Variants in ZMYM2 observed in about 807,000 individuals in gnomAD.
The protein encoded by ZMYM2 is zinc finger MYM-type protein 2.
Under a neutral mutation model 162.8 loss-of-function variants are expected in ZMYM2, and 56 were observed. The observed-to-expected ratio is 0.34, with a 90% confidence interval of 0.28 to 0.43. The LOEUF (loss-of-function observed/expected upper bound fraction) is 0.43. ZMYM2 is among the 20% of genes least tolerant of loss of function. The probability of loss-of-function intolerance (pLI) is 1.00; values close to 1 mark genes in which losing one functional copy is unlikely to be tolerated. For synonymous variants in ZMYM2, 510 were observed against 541.6 expected (o/e 0.94, Z 0.81); for missense variants, 1,275 against 1,621.8 (o/e 0.79, Z 3.67).
intron 2 of ZMYM2, among the ~76,000 whole-genome samples, chr13:19,988,404 G>T (rs964767750): frequency 6.6e-6 from 1 of 152,122 alleles, no homozygotes; most frequent in African/African-American, 2.4e-5. Flanking sequence ...ATTGGCTTTG[G>T]TTTCTGATCT....
At chr13:19,918,801 A>C in the ZMYM2 span, among the ~76,000 whole-genome samples, 4 of 152,070 alleles carry the variant, frequency 2.6e-5, no homozygotes, top group Non-Finnish European at 4.4e-5. Flanking sequence ...ACCTGGCCAA[A>C]AACCTCTTAT....
the ZMYM2 span, among the ~76,000 whole-genome samples, chr13:19,884,079 G>C: frequency 7.2e-5 from 11 of 152,148 alleles, no homozygotes; most frequent in African/African-American, 2.7e-4. Flanking sequence ...TTCTTTAAAA[G>C]TTAAGTTTCT....
At chr13:20,048,443 T>G (rs1008229442) in intron 12 of ZMYM2, among the ~76,000 whole-genome samples, 1 of 151,992 alleles carries the variant, frequency 6.6e-6, no homozygotes, top group African/African-American at 2.4e-5. Context: ...AAAAAAAATT[T>G]GTAGCGAATC....
chr13:20,074,237 T>TGAGA (rs1555330328), intron 21 of ZMYM2, among the ~76,000 whole-genome samples: 207 of 127,552 alleles, frequency 1.6e-3, no homozygotes, highest in African/African-American at 4.7e-3. Flanking sequence ...TGTGTGTGTG[T>TGAGA]GAGAGAGACA....
intron 2 of ZMYM2, among the ~76,000 whole-genome samples, chr13:19,983,614 A>C (rs1957559178): frequency 6.6e-6 from 1 of 151,952 alleles, no homozygotes; most frequent in African/African-American, 2.4e-5. Context: ...CTATTTTATT[A>C]GGAATTTTTA....
chr13:19,920,016 C>A, the ZMYM2 span, among the ~76,000 whole-genome samples: 1 of 152,078 alleles, frequency 6.6e-6, no homozygotes, highest in Non-Finnish European at 1.5e-5. Flanking sequence ...GCTATGTTGT[C>A]CAGTCTGGTC....
intron 17 of ZMYM2, among the ~76,000 whole-genome samples, chr13:20,062,256 GA>G (rs1956287907): frequency 6.6e-6 from 1 of 152,192 alleles, no homozygotes; most frequent in South Asian, 2.1e-4. Context: ...TAAGAGAAAT[GA>G]CAGTGTGAAT....
the ZMYM2 span, among the ~76,000 whole-genome samples, chr13:19,917,163 T>C: frequency 6.9e-4 from 105 of 152,084 alleles, no homozygotes; most frequent in East Asian, 0.01. Flanking sequence ...AGGGTTTCAC[T>C]GTGTTAGCCA....
chr13:19,929,396 G>A, the ZMYM2 span, among the ~76,000 whole-genome samples: 3 of 151,866 alleles, frequency 2.0e-5, no homozygotes, highest in Non-Finnish European at 4.4e-5. Flanking sequence ...CTGCCGCCAC[G>A]CCAGGCTAAT....
intron 2 of ZMYM2, among the ~76,000 whole-genome samples, chr13:19,984,190 A>G (rs1475280393): frequency 6.6e-6 from 1 of 152,208 alleles, no homozygotes; most frequent in Non-Finnish European, 1.5e-5. Flanking sequence ...GCAAGCACTA[A>G]TATTTTCTTG....
chr13:19,940,743 G>A, the ZMYM2 span, among the ~76,000 whole-genome samples: 1 of 152,126 alleles, frequency 6.6e-6, no homozygotes, highest in Non-Finnish European at 1.5e-5. Flanking sequence ...TGCACTACGG[G>A]ATGAAAATGT....
chr13:19,997,503 A>G (rs541580993), intron 3 of ZMYM2, among the ~76,000 whole-genome samples: 8 of 152,114 alleles, frequency 5.3e-5, no homozygotes, highest in Non-Finnish European at 8.8e-5. Flanking sequence ...GTAGGTAGGT[A>G]GAAGTGTGTG....
At chr13:19,995,003 A>AC (rs539742151) in intron 3 of ZMYM2, among the ~76,000 whole-genome samples, 33 of 1,194 alleles carry the variant, frequency 0.028, no homozygotes, top group Non-Finnish European at 0.22. Context: ...TGGCTAAATT[A>AC]AAAAAAAAAA....
chr13:20,087,979 A>G lies in ZMYM2; in HGVS notation c.*1965A>G, dbSNP rs939186043. The G allele has an allele frequency of 1.5e-5, 3 of 195,668 alleles. No individual in the cohort carries two copies. The highest frequency in any genetic ancestry group is 3.2e-5 in the Non-Finnish European group (3 of 93,996). 12.1% of individuals were successfully genotyped at this position (195,668 alleles called of 1,614,324 possible). ...CAAAGTGGTGCTATATTCCATCAAG[A>G]GCAATAAAGTTTTTCCCAGGTGTCA... On this transcript the variant is annotated 3_prime_UTR_variant, in exon 25 of 25. Transcript: ENST00000610343.
chr13:20,046,562 A>AT (rs150664616), intron 12 of ZMYM2, among the ~76,000 whole-genome samples: 239 of 20,108 alleles, frequency 0.012, 3 homozygotes, highest in South Asian at 0.025. Context: ...TCTAAAAAAA[A>AT]AAATATATAT....
At chr13:19,910,914 G>A in the ZMYM2 span, among the ~76,000 whole-genome samples, 32 of 152,240 alleles carry the variant, frequency 2.1e-4, no homozygotes, top group African/African-American at 7.7e-4. Flanking sequence ...AGTGTTCTAG[G>A]AGTGACATAG....
intron 5 of ZMYM2, among the ~76,000 whole-genome samples, 165 bp from the exon 6 acceptor site, chr13:20,006,209 G>A (rs1950730240): frequency 6.7e-6 from 1 of 149,598 alleles, no homozygotes; most frequent in African/African-American, 2.5e-5. Flanking sequence ...CTTTAGCCTG[G>A]GTAATGAGTG....
At chr13:20,012,994 GT>G (rs1951325817) in intron 6 of ZMYM2, among the ~76,000 whole-genome samples, 1 of 152,146 alleles carries the variant, frequency 6.6e-6, no homozygotes, top group Non-Finnish European at 1.5e-5. Context: ...CTGCAGAAGA[GT>G]TTGTTGGAAT....
At chr13:19,906,526 A>G in the ZMYM2 span, among the ~76,000 whole-genome samples, 2,174 of 16,186 alleles carry the variant, frequency 0.13, 39 homozygotes, top group Middle Eastern at 0.29. Flanking sequence ...TATCACACAT[A>G]TATATATATA....
Sources: gnomAD v4.1 joint callset for allele counts (sites outside exome capture counted in the v4.1 genomes callset) on GRCh38, gnomAD v4.1.1 for gene constraint, MANE v1.5 for transcripts, NCBI Gene and HGNC (gene_info 2026-07-23, HGNC 2026-07-21) for gene names.